The following DHX35 variants were observed in gnomAD, a reference collection of about 807,000 sequenced individuals.
DHX35 encodes probable ATP-dependent RNA helicase DHX35.
In DHX35, 84 loss-of-function variants were observed where a neutral mutation model predicts 99.6. The ratio of observed to expected loss-of-function variants is 0.84; its 90% CI spans 0.71 to 1.01. The LOEUF (loss-of-function observed/expected upper bound fraction) is 1.01, where lower values mean the gene tolerates loss of function less well. Among genes scored for constraint, DHX35 ranks in the 50% least tolerant of loss-of-function variants. DHX35 has a pLI of 0.00. For synonymous variants in DHX35, 331 were observed against 316.2 expected (o/e 1.05, Z -0.50); for missense variants, 852 against 888.5 (o/e 0.96, Z 0.52).
At chr20:38,978,339 A>G (rs2086115206) in intron 3 of DHX35, 4 of 747,552 alleles carry the variant, frequency 5.4e-6, no homozygotes, top group Non-Finnish European at 7.4e-6. Context: ...TAAAGTGATC[A>G]TCTTTGATGG....
chr20:38,994,812 C>A lies in DHX35; in HGVS notation c.583-9C>A. On this transcript the variant is annotated splice_polypyrimidine_tract_variant and intron_variant, in intron 7 of 21. Coordinates refer to ENST00000252011, the MANE Select transcript of DHX35 (RefSeq NM_021931.4). Reference sequence around the variant, plus strand: ...TATTATCATTATTTCCAAATGTCTTCTTTTTTAGATTCAGAAAAAGCGAGG... The same window carrying A: ...TATTATCATTATTTCCAAATGTCTTATTTTTTAGATTCAGAAAAAGCGAGG... 6.2e-7 allele frequency: 1 copy of A among 1,611,624 alleles called. No individual in the cohort carries two copies. Among genetic ancestry groups the A allele is most frequent in the Non-Finnish European group, 8.5e-7 (1 of 1,177,924 alleles).
chr20:38,985,008 G>A (rs565888080), intron 4 of DHX35, among the ~76,000 whole-genome samples: 16 of 152,056 alleles, frequency 1.1e-4, no homozygotes, highest in Middle Eastern at 3.4e-3. Context: ...GCCTTTTGGC[G>A]TTGAGGATCA....
chr20:38,975,504 A>T (rs1159582319), intron 3 of DHX35, among the ~76,000 whole-genome samples: 3 of 152,186 alleles, frequency 2.0e-5, no homozygotes, highest in African/African-American at 7.2e-5. Flanking sequence ...TATTATCTTC[A>T]TTTTATAGGT....
rs759598323 is a variant in DHX35, at chr20:39,006,345, G to T, written c.1211G>T (p.Arg404Leu). The stretch of plus-strand genomic sequence containing the variant: ...CGTAGTCGCTCGGGAAAATGTTATC[G>T]CCTTTATACAGGTTAGTGTGGCTTT... Reference protein sequence around the residue: ...GGRSRSGKCYRLYTEEAFDKL... With the variant: ...GGRSRSGKCYLLYTEEAFDKL... The change falls in exon 12 of 22, where the codon CGC (arginine) becomes CTC (leucine). Residue 404 changes from arginine to leucine, a missense_variant. Arg to Leu is a moderately radical substitution (Grantham distance 102). Coordinates refer to ENST00000252011, the MANE Select transcript of DHX35 (RefSeq NM_021931.4). The T allele has an allele frequency of 2.5e-6, 4 of 1,613,938 alleles. No individual in the cohort carries two copies. The African/African-American group carries it at 4.0e-5, about 16-fold the overall frequency.
At chr20:39,022,156 TTTTATTTA>T (rs996344811) in intron 16 of DHX35, among the ~76,000 whole-genome samples, 1 of 151,998 alleles carries the variant, frequency 6.6e-6, no homozygotes, top group Non-Finnish European at 1.5e-5. Flanking sequence ...TATTATCATA[TTTTATTTA>T]TTTATTTATT....
In DHX35 at chr20:39,038,881, G is replaced by T. The variant is rs914881487; in HGVS notation, c.*338G>T. 2.8e-6 allele frequency: 1 copy of T among 356,518 alleles called. No homozygotes were observed. Among genetic ancestry groups the T allele is most frequent in the Admixed American group, 4.4e-5 (1 of 22,932 alleles). The allele number at this position is 356,518 out of a possible 1,614,324, so 22.1% of individuals were successfully genotyped here. A position where few individuals can be genotyped will look rare whatever the true frequency, so the allele number is the denominator to read the frequency against. On this transcript the variant is annotated 3_prime_UTR_variant, in exon 22 of 22. Coordinates refer to ENST00000252011, the MANE Select transcript of DHX35 (RefSeq NM_021931.4). ...CTATGGGAAACAAGGAGGAAAGTTA[G>T]CCACTGAAGGCCAAAACACCATGTG...
At chr20:38,964,428 TTTTC>T (rs1489710855) in intron 1 of DHX35, among the ~76,000 whole-genome samples, 1 of 151,962 alleles carries the variant, frequency 6.6e-6, no homozygotes, top group East Asian at 1.9e-4. Context: ...TGTTTTTTTG[TTTTC>T]TTTCTTTTTT....
chr20:39,024,504 C>G (rs1444802247), intron 17 of DHX35, among the ~76,000 whole-genome samples: 1 of 152,166 alleles, frequency 6.6e-6, no homozygotes, highest in Non-Finnish European at 1.5e-5. Context: ...GAAATTCACT[C>G]TTTTTGAGAC....
rs1212413048 is a variant in DHX35 at position 38,981,878 on chromosome 20, A to T, written c.268-1821A>T. On this transcript the variant is annotated intron_variant, in intron 3 of 21. Coordinates refer to ENST00000252011, the MANE Select transcript of DHX35 (RefSeq NM_021931.4). ...AGAATTGCTTAAACCCAGAAGTCGG[A>T]GGTTGCAGTGAGCCGAGATCACGCC... 2.7e-5 allele frequency among the ~76,000 whole-genome samples: 4 copies of T among 145,712 alleles called. No homozygotes were observed. The East Asian group carries it at 8.3e-4, about 30-fold the overall frequency.
At chr20:38,980,511 G>GTTTTTTT (rs397953645) in intron 3 of DHX35, among the ~76,000 whole-genome samples, 3 of 136,992 alleles carry the variant, frequency 2.2e-5, no homozygotes, top group African/African-American at 2.7e-5. Flanking sequence ...TTATAGTTCT[G>GTTTTTTT]TTTTTTTTTT....
At chr20:39,036,726 C>CCAA (rs1568767834) in intron 21 of DHX35, among the ~76,000 whole-genome samples, 7 of 51,664 alleles carry the variant, frequency 1.4e-4, no homozygotes, top group East Asian at 6.7e-4. Flanking sequence ...ACTGTCCCCC[C>CCAA]AAAAAAAAAA....
chr20:38,991,553 C>T, intron 6 of DHX35, 38 bp downstream of exon 6: 1 of 1,585,018 alleles, frequency 6.3e-7, no homozygotes, highest in East Asian at 2.2e-5. Flanking sequence ...TCCTAGTTTC[C>T]AAAGTCCCCA....
intron 12 of DHX35, among the ~76,000 whole-genome samples, chr20:39,009,610 AC>A (rs1382773431): frequency 6.7e-6 from 1 of 149,962 alleles, no homozygotes; most frequent in African/African-American, 2.5e-5. Flanking sequence ...TTTTTTCCCC[AC>A]CCTTCCTGCC....
At chr20:38,996,011 T>C (rs768277549) in intron 8 of DHX35, among the ~76,000 whole-genome samples, 39 of 152,344 alleles carry the variant, frequency 2.6e-4, no homozygotes, top group Admixed American at 6.5e-4. Flanking sequence ...TCAGCCTCAC[T>C]GGTCTCCTTG....
intron 2 of DHX35, among the ~76,000 whole-genome samples, chr20:38,971,915 C>T (rs959981789): frequency 6.6e-6 from 1 of 150,978 alleles, no homozygotes; most frequent in Non-Finnish European, 1.5e-5. Flanking sequence ...ATAAACAACT[C>T]TGCAATGAGT....
At chr20:39,005,504 AATAATAT>A (rs1264736457) in intron 11 of DHX35, among the ~76,000 whole-genome samples, 1 of 152,232 alleles carries the variant, frequency 6.6e-6, no homozygotes, top group Non-Finnish European at 1.5e-5. Context: ...CTATTATTAC[AATAATAT>A]ATAATATACA....
intron 21 of DHX35, among the ~76,000 whole-genome samples, chr20:39,034,713 T>C (rs2087119354): frequency 2.0e-5 from 3 of 151,820 alleles, no homozygotes. Context: ...TTAGCCCCCA[T>C]GTAGCTGGGA....
At chr20:38,968,447 G>A (rs1248672613) in intron 1 of DHX35, among the ~76,000 whole-genome samples, 2 of 152,200 alleles carry the variant, frequency 1.3e-5, no homozygotes, top group African/African-American at 2.4e-5. Flanking sequence ...TAAGAATTCA[G>A]TAATAACATG....
Position 39,034,345 on chromosome 20 carries a change from G to T in DHX35, c.2067+28G>T, listed in dbSNP as rs527249514. 400 of 1,563,388 alleles carry T rather than the reference G, an allele frequency of 2.6e-4. 3 individuals carry two copies. The South Asian group carries it at 4.3e-3, about 17-fold the overall frequency. ...AGGAATGAACTGAGTCTGTGCCCCA[G>T]CCACCTGTTCACAGCCTCTCCATGT... On this transcript the variant is annotated intron_variant, in intron 21 of 21. Coordinates refer to ENST00000252011, the MANE Select transcript of DHX35 (RefSeq NM_021931.4).
Sources: gnomAD v4.1 joint callset for allele counts (sites outside exome capture counted in the v4.1 genomes callset) on GRCh38, gnomAD v4.1.1 for gene constraint, MANE v1.5 for transcripts, NCBI Gene and HGNC (gene_info 2026-07-23, HGNC 2026-07-21) for gene names.